Variants in LHFPL3 observed in about 807,000 individuals in gnomAD.
LHFPL3 encodes LHFPL tetraspan subfamily member 3.
In LHFPL3, 5 loss-of-function variants were observed where a neutral mutation model predicts 19.3. The ratio of observed to expected loss-of-function variants is 0.26; its 90% CI spans 0.14 to 0.54. The LOEUF (loss-of-function observed/expected upper bound fraction) is 0.54. LHFPL3 is among the 20% of genes least tolerant of loss of function. The pLI is 0.94. For synonymous variants in LHFPL3, 133 were observed against 126.2 expected, an observed-to-expected ratio of 1.05 and a Z score of -0.36; for missense variants, 249 against 307.4, an observed-to-expected ratio of 0.81 and a Z score of 1.42.
chr7:104,770,311 C>T (rs540227975), intron 2 of LHFPL3, among the ~76,000 whole-genome samples: 1 of 152,232 alleles, frequency 6.6e-6, no homozygotes, highest in South Asian at 2.1e-4. Flanking sequence ...AAGAGGCTGA[C>T]ACTCATTTTG....
intron 1 of LHFPL3, among the ~76,000 whole-genome samples, chr7:104,560,235 G>A (rs1334362671): frequency 8.1e-6 from 1 of 124,158 alleles, no homozygotes; most frequent in Non-Finnish European, 1.6e-5. Flanking sequence ...CTATTGATTG[G>A]AATAGTTTCA....
At chr7:104,635,597 A>G (rs1349293200) in intron 1 of LHFPL3, among the ~76,000 whole-genome samples, 1 of 152,218 alleles carries the variant, frequency 6.6e-6, no homozygotes, top group East Asian at 1.9e-4. Context: ...TGCAAATATG[A>G]AAGTAGAAAA....
chr7:104,496,091 T>G (rs573828004), intron 1 of LHFPL3, among the ~76,000 whole-genome samples: 75 of 152,288 alleles, frequency 4.9e-4, no homozygotes, highest in African/African-American at 1.3e-3. Context: ...TTAGCATTAG[T>G]TATATCTCCT....
At chr7:104,841,491 GGGGTGTGTGTGTGT>G (rs1487943457) in intron 2 of LHFPL3, among the ~76,000 whole-genome samples, 14 of 141,844 alleles carry the variant, frequency 9.9e-5, no homozygotes, top group African/African-American at 1.6e-4. Flanking sequence ...TGCATTATGT[GGGGTGTGTGTGTGT>G]GTGTGTGTGT....
intron 1 of LHFPL3, among the ~76,000 whole-genome samples, chr7:104,700,410 A>G (rs1426244162): frequency 6.6e-6 from 1 of 152,106 alleles, no homozygotes; most frequent in Non-Finnish European, 1.5e-5. Context: ...TTCTTCACTC[A>G]TTGCCCATGG....
chr7:104,842,660 A>G (rs956394116), intron 2 of LHFPL3, among the ~76,000 whole-genome samples: 3 of 152,220 alleles, frequency 2.0e-5, no homozygotes, highest in East Asian at 1.9e-4. Context: ...ACCAAATGCA[A>G]GTTGATAATG....
At chr7:104,608,317 T>TA (rs1719565870) in intron 1 of LHFPL3, among the ~76,000 whole-genome samples, 1 of 151,630 alleles carries the variant, frequency 6.6e-6, no homozygotes, top group Non-Finnish European at 1.5e-5. Context: ...TATGCAGCCA[T>TA]AAAAAATGAA....
At chr7:104,851,721 A>G (rs1349444631) in intron 2 of LHFPL3, among the ~76,000 whole-genome samples, 1 of 152,064 alleles carries the variant, frequency 6.6e-6, no homozygotes, top group Non-Finnish European at 1.5e-5. Context: ...CTTTGGATGT[A>G]CCCCAAGAGA....
At chr7:104,572,062 A>T (rs1226014907) in intron 1 of LHFPL3, among the ~76,000 whole-genome samples, 1 of 152,214 alleles carries the variant, frequency 6.6e-6, no homozygotes, top group African/African-American at 2.4e-5. Flanking sequence ...TTTTAAGTGA[A>T]CTATTTTGTT....
chr7:104,461,067 T>A (rs1401387885), intron 1 of LHFPL3, among the ~76,000 whole-genome samples: 1 of 152,216 alleles, frequency 6.6e-6, no homozygotes, highest in African/African-American at 2.4e-5. Flanking sequence ...AGAGGTTTAA[T>A]TGACTCACAG....
chr7:104,438,175 T>G (rs1037189529), intron 1 of LHFPL3, among the ~76,000 whole-genome samples: 1 of 152,336 alleles, frequency 6.6e-6, no homozygotes, highest in South Asian at 2.1e-4. Context: ...TGCCAGGAAC[T>G]AGGGAGAGAT....
intron 2 of LHFPL3, among the ~76,000 whole-genome samples, chr7:104,793,809 C>G (rs1434716736): frequency 6.6e-6 from 1 of 152,174 alleles, no homozygotes; most frequent in African/African-American, 2.4e-5. Flanking sequence ...AACTCGAACT[C>G]TTGTGGTATC....
Position 104,329,112 on chromosome 7 carries a change from T to C in LHFPL3, c.333T>C (p.Phe111=). 1 of 1,614,098 alleles carries C rather than the reference T, an allele frequency of 6.2e-7. No individual in the cohort carries two copies. The highest frequency in any genetic ancestry group is 1.6e-4 in the Middle Eastern group (1 of 6,062). Residue 111 remains phenylalanine, a synonymous_variant, in exon 1 of 3, where the codon TTT becomes TTC. Coordinates refer to ENST00000424859, the MANE Select transcript of LHFPL3 (RefSeq NM_199000.3). Reference sequence around the variant, plus strand: ...GCGCCTTCAAAGCCGCCTCCTTCTTTATCGGCCTCTCCATGATGCTCATCA... The same window carrying C: ...GCGCCTTCAAAGCCGCCTCCTTCTTCATCGGCCTCTCCATGATGCTCATCA... ...PSGAFKAASF[F]IGLSMMLIIA... is the part of the protein sequence containing the mutation.
chr7:104,344,427 T>A (rs1038913125), intron 1 of LHFPL3, among the ~76,000 whole-genome samples: 2 of 152,114 alleles, frequency 1.3e-5, no homozygotes, highest in African/African-American at 4.8e-5. Flanking sequence ...ACCCTTCCCC[T>A]TCTGAATCTC....
intron 1 of LHFPL3, among the ~76,000 whole-genome samples, chr7:104,423,004 C>A (rs779131831): frequency 1.3e-5 from 2 of 152,112 alleles, no homozygotes. Context: ...GTACTGGGGA[C>A]GCAATGGTGA....
chr7:104,660,819 T>A (rs1298973584), intron 1 of LHFPL3, among the ~76,000 whole-genome samples: 1 of 152,128 alleles, frequency 6.6e-6, no homozygotes, highest in Non-Finnish European at 1.5e-5. Flanking sequence ...TACACAGAAG[T>A]CAAGTGGTTT....
intron 2 of LHFPL3, among the ~76,000 whole-genome samples, chr7:104,782,243 A>T (rs1466832072): frequency 6.6e-6 from 1 of 152,214 alleles, no homozygotes; most frequent in Admixed American, 6.5e-5. Context: ...TCTCTTCAGC[A>T]AAGTTGTCAA....
chr7:104,504,457 A>T (rs13234004), intron 1 of LHFPL3, among the ~76,000 whole-genome samples: 15,625 of 152,214 alleles, frequency 0.1, 881 homozygotes, highest in East Asian at 0.12. Flanking sequence ...CCCTTATGAC[A>T]TTAAATTACA....
intron 1 of LHFPL3, among the ~76,000 whole-genome samples, chr7:104,576,279 C>T (rs534604583): frequency 2.0e-5 from 3 of 152,228 alleles, no homozygotes; most frequent in South Asian, 4.2e-4. Context: ...ACATCATCAC[C>T]GATTTGAAGT....
Sources: gnomAD v4.1 joint callset for allele counts (sites outside exome capture counted in the v4.1 genomes callset) on GRCh38, gnomAD v4.1.1 for gene constraint, MANE v1.5 for transcripts, NCBI Gene and HGNC (gene_info 2026-07-23, HGNC 2026-07-21) for gene names.